Variants in TFAP2A observed in about 807,000 individuals in gnomAD.
TFAP2A encodes transcription factor AP-2 alpha, also known as transcription factor AP-2-alpha.
In TFAP2A, 7 loss-of-function variants were observed where a neutral mutation model predicts 41.5. The ratio of observed to expected loss-of-function variants is 0.17; its 90% CI spans 0.10 to 0.32. The LOEUF (loss-of-function observed/expected upper bound fraction) is 0.32. Ranked by LOEUF, TFAP2A falls within the 10% of genes least tolerant of loss-of-function variation. TFAP2A has a pLI of 1.00. For synonymous variants in TFAP2A, 247 were observed against 242.8 expected, an observed-to-expected ratio of 1.02 and a Z score of -0.16; for missense variants, 416 against 563.3, an observed-to-expected ratio of 0.74 and a Z score of 2.65.
In TFAP2A at chr6:10,398,464, C is replaced by G. The variant is rs771307700; in HGVS notation, c.1273G>C (p.Asp425His). ...YLSNNPNSHTDNNAKSSDKEE... is the reference protein window; with the variant it reads ...YLSNNPNSHTHNNAKSSDKEE... ...TTGTCACTGCTTTTGGCGTTGTTGT[C>G]CGTGTGGCTGTTGGGGTTGTTGCTG... is the stretch of plus-strand genomic sequence containing the variant. Residue 425 changes from aspartate (D) to histidine (H), a missense_variant, in exon 7 of 7, where the codon GAC (aspartate) becomes CAC (histidine). Asp to His is a moderately conservative substitution (Grantham distance 81, BLOSUM62 -1). Around this residue, in one of 3 missense-constraint regions of TFAP2A, gnomAD observed 116 missense variants for 153.8 expected, o/e 0.75. Coordinates refer to ENST00000379613, the MANE Select transcript of TFAP2A (RefSeq NM_001372066.1). This position sits in a 1 kb window ranked among gnomAD's most constrained non-coding sequence, Gnocchi z 5.3. 6.2e-7 allele frequency: 1 copy of G among 1,614,222 alleles called. No individual in the cohort carries two copies. The highest frequency in any genetic ancestry group is 1.1e-5 in the South Asian group (1 of 91,080).
intron 5 of TFAP2A, 115 bp from the exon 6 acceptor site, chr6:10,400,704 A>G (rs752849276): frequency 8.2e-7 from 1 of 1,215,060 alleles, no homozygotes; most frequent in Non-Finnish European, 1.2e-6. Flanking sequence ...CAGGAAACAC[A>G]AACTACTTGT....
At chr6:10,408,678 C>T (rs939470952) in intron 2 of TFAP2A, among the ~76,000 whole-genome samples, 1 of 152,176 alleles carries the variant, frequency 6.6e-6, no homozygotes, top group East Asian at 1.9e-4. Flanking sequence ...ATCAAGTGCC[C>T]ACTTTCCTGC....
At chr6:10,411,535 A>G (rs758772936) in intron 1 of TFAP2A, 4 of 1,613,064 alleles carry the variant, frequency 2.5e-6, no homozygotes, top group Non-Finnish European at 3.4e-6. Context: ...TCCAATTCCT[A>G]AAGAAACAGC....
At chr6:10,411,941 C>A in intron 1 of TFAP2A, 1 of 1,137,274 alleles carries the variant, frequency 8.8e-7, no homozygotes, top group Non-Finnish European at 1.1e-6. Context: ...TTCCTTAATC[C>A]GTGTCTCCCC....
chr6:10,406,433 T>C (rs954782034), intron 3 of TFAP2A: 9 of 277,704 alleles, frequency 3.2e-5, no homozygotes, highest in African/African-American at 8.8e-5. Context: ...TTATTTGTAC[T>C]ATTTTAGCAT....
At chr6:10,408,996 A>G (rs1369112398) in intron 2 of TFAP2A, 1 of 152,256 alleles carries the variant, frequency 6.6e-6, no homozygotes, top group African/African-American at 2.4e-5. Flanking sequence ...AGCTTTAATA[A>G]AATTATTGGC....
At chr6:10,406,889 A>T (rs748960456) in intron 2 of TFAP2A, 45 bp from the exon 3 acceptor site, 1 of 1,484,890 alleles carries the variant, frequency 6.7e-7, no homozygotes, top group East Asian at 2.3e-5. Flanking sequence ...TCATCAAAAC[A>T]AAAGGAAATG....
chr6:10,415,295 C>G, upstream of TFAP2A: 1 of 1,385,844 alleles, frequency 7.2e-7, no homozygotes, highest in Non-Finnish European at 9.4e-7. Context: ...AGCTCTTTAC[C>G]AACAGCCTAA....
chr6:10,410,414 C>A (rs1757911152), intron 1 of TFAP2A, 79 bp from the exon 2 acceptor site: 2 of 1,439,336 alleles, frequency 1.4e-6, no homozygotes, highest in Non-Finnish European at 9.5e-7. Flanking sequence ...ATCCACTTGA[C>A]AAGTCTGCGT....
At chr6:10,419,599 T>G, upstream of TFAP2A, 1 of 932,894 alleles carries the variant, frequency 1.1e-6, no homozygotes, top group Non-Finnish European at 1.7e-6. Flanking sequence ...GGTTGCTACC[T>G]GCCGACGCAT....
chr6:10,414,668 C>T, intron 1 of TFAP2A: 1 of 587,806 alleles, frequency 1.7e-6, no homozygotes. Flanking sequence ...TTCTTCTTTT[C>T]CCCCATTCTT....
intron 1 of TFAP2A, chr6:10,412,150 T>A (rs1040602202): frequency 7.1e-6 from 7 of 989,722 alleles, no homozygotes; most frequent in Non-Finnish European, 8.4e-6. Flanking sequence ...TTGACGGGAG[T>A]CTCAGTGTAG....
chr6:10,419,649 C>A, upstream of TFAP2A: 1 of 658,450 alleles, frequency 1.5e-6, no homozygotes, highest in South Asian at 1.8e-5. Context: ...GCTGCAGTCC[C>A]AGCGCCGCAC....
At position 10,397,705 on chromosome 6, in the gene TFAP2A, C is replaced by T. The variant is rs543460673; in HGVS notation, c.*712G>A. On this transcript the variant is annotated 3_prime_UTR_variant, in exon 7 of 7. Coordinates refer to ENST00000379613, the MANE Select transcript of TFAP2A (RefSeq NM_001372066.1). ...ACAGACTCACCATATTTACAATTCC[C>T]ATTAAATTACACATAAATAAATATA... 2.9e-5 allele frequency: 8 copies of T among 278,386 alleles called. No individual in the cohort carries two copies. Among genetic ancestry groups the T allele is most frequent in the African/African-American group, 1.6e-4 (7 of 43,556 alleles). 17.2% of individuals were successfully genotyped at this position (278,386 alleles called of 1,614,324 possible). A position where few individuals can be genotyped will look rare whatever the true frequency, so the allele number is the denominator to read the frequency against.
chr6:10,408,970 T>C (rs944320955), intron 2 of TFAP2A: 3 of 152,240 alleles, frequency 2.0e-5, no homozygotes, highest in Non-Finnish European at 4.4e-5. Context: ...AAAGCAGCTT[T>C]AACAGAAGCC....
At chr6:10,402,324 T>C (rs947995511) in intron 5 of TFAP2A, 168 bp downstream of exon 5, 2 of 713,182 alleles carry the variant, frequency 2.8e-6, no homozygotes, top group Non-Finnish European at 2.6e-6. Flanking sequence ...TAGGAGTACA[T>C]GCAAATGTTT....
At position 10,398,043 on chromosome 6, in the gene TFAP2A, T is replaced by G. The variant is rs1761845674; in HGVS notation, c.*374A>C. On this transcript the variant is annotated 3_prime_UTR_variant, in exon 7 of 7. Transcript: ENST00000379613. The surrounding 1 kb of genome is among the most constrained non-coding windows in gnomAD (Gnocchi z 5.3). ...TTTTTTTAGAAAAAAGTTTTTAATT[T>G]TTGTTGTTGTTGTTGCTGTTGTTGA... 2 of 1,088,798 alleles carry G rather than the reference T, an allele frequency of 1.8e-6. No homozygotes were observed. Among genetic ancestry groups the G allele is most frequent in the South Asian group, 3.2e-5 (1 of 31,006 alleles). 67.4% of individuals were successfully genotyped at this position (1,088,798 alleles called of 1,614,324 possible).
intron 6 of TFAP2A, among the ~76,000 whole-genome samples, chr6:10,399,491 G>A (rs1226418676): frequency 2.0e-5 from 3 of 152,200 alleles, no homozygotes; most frequent in African/African-American, 7.2e-5. Context: ...GATGAGGCCT[G>A]CACTCAGGAA....
chr6:10,411,398 G>A (rs1458047541), intron 1 of TFAP2A, among the ~76,000 whole-genome samples: 3 of 152,048 alleles, frequency 2.0e-5, no homozygotes, highest in African/African-American at 4.8e-5. Flanking sequence ...ACTCGATTTA[G>A]GGATGGAAAA....
Sources: gnomAD v4.1 joint callset for allele counts (sites outside exome capture counted in the v4.1 genomes callset) on GRCh38, gnomAD v4.1.1 for gene constraint, gnomAD v4.1.1 regional missense constraint, Gnocchi (gnomAD v3.1) non-coding constraint, MANE v1.5 for transcripts, NCBI Gene and HGNC (gene_info 2026-07-23, HGNC 2026-07-21) for gene names.